DTL: variants seen among roughly 807,000 people sequenced by gnomAD.
The protein encoded by DTL is denticleless E3 ubiquitin protein ligase adapter.
Under a neutral mutation model 87.0 loss-of-function variants are expected in DTL, and 46 were observed. That is an observed-to-expected ratio of 0.53 (90% CI 0.42 to 0.68). The LOEUF is 0.68. Among genes scored for constraint, DTL ranks in the 30% least tolerant of loss-of-function variants. The pLI is 0.00. For synonymous variants in DTL, 308 were observed against 311.2 expected (o/e 0.99, Z 0.11); for missense variants, 737 against 869.4 (o/e 0.85, Z 1.91).
intron 13 of DTL, among the ~76,000 whole-genome samples, chr1:212,081,935 T>G (rs1047548578): frequency 6.6e-6 from 1 of 152,198 alleles, no homozygotes; most frequent in South Asian, 2.1e-4. Flanking sequence ...ATTCTGCAGT[T>G]CAGGGTTGAA....
At chr1:212,075,903 T>G (rs1022492481) in intron 11 of DTL, among the ~76,000 whole-genome samples, 2 of 152,200 alleles carry the variant, frequency 1.3e-5, no homozygotes, top group African/African-American at 4.8e-5. Flanking sequence ...CAACACCTGC[T>G]AAACTACATT....
chr1:212,043,200 C>G lies in DTL; in HGVS notation c.178+82C>G, dbSNP rs147297678. On this transcript the variant is annotated intron_variant, in intron 2 of 14. Coordinates refer to ENST00000366991, the MANE Select transcript of DTL (RefSeq NM_016448.4). ...TAGGGAAAATATACTAGAGTATTTC[C>G]CTTTCAAAGAAAAGTAAATTAGGTG... is the stretch of plus-strand genomic sequence containing the variant. 1,473 of 1,364,226 alleles carry G rather than the reference C, an allele frequency of 1.1e-3. 14 individuals carry two copies. In the African/African-American group the frequency reaches 0.019, roughly 18 times the overall value. The allele number at this position is 1,364,226 out of a possible 1,614,324, so 84.5% of individuals were successfully genotyped here. A position where few individuals can be genotyped will look rare whatever the true frequency, so the allele number is the denominator to read the frequency against.
intron 13 of DTL, among the ~76,000 whole-genome samples, chr1:212,088,000 A>G (rs955066493): frequency 6.6e-6 from 1 of 152,174 alleles, no homozygotes; most frequent in South Asian, 2.1e-4. Context: ...TGTTTTAGCC[A>G]GAGATCTCAT....
At chr1:212,099,361 G>C (rs1397545397) in intron 13 of DTL, among the ~76,000 whole-genome samples, 2 of 152,204 alleles carry the variant, frequency 1.3e-5, no homozygotes, top group Non-Finnish European at 2.9e-5. Context: ...AGCCTCCTGA[G>C]TAGCTGGGAC....
intron 13 of DTL, among the ~76,000 whole-genome samples, chr1:212,096,066 A>T (rs559084116): frequency 2.4e-4 from 35 of 143,114 alleles, no homozygotes; most frequent in African/African-American, 9.1e-4. Flanking sequence ...TGGTCTGTTC[A>T]GAGTTCTTAT....
chr1:212,035,808 G>A lies in DTL; in HGVS notation c.-83G>A. On this transcript the variant is annotated 5_prime_UTR_variant, in exon 1 of 15. Transcript: ENST00000366991. Reference sequence around the variant, plus strand: ...TGGAGGCGATAACGATTTGTGTTGTGAGAGGCGCAAGCTGCGATTTCTGCT... The same window carrying A: ...TGGAGGCGATAACGATTTGTGTTGTAAGAGGCGCAAGCTGCGATTTCTGCT... 1 of 1,375,550 alleles carries A rather than the reference G, an allele frequency of 7.3e-7. No homozygotes were observed. The highest frequency in any genetic ancestry group is 1.0e-6 in the Non-Finnish European group (1 of 973,684). The allele number at this position is 1,375,550 out of a possible 1,614,324, so 85.2% of individuals were successfully genotyped here.
At chr1:212,098,446 C>T (rs950961889) in intron 13 of DTL, among the ~76,000 whole-genome samples, 2 of 152,066 alleles carry the variant, frequency 1.3e-5, no homozygotes, top group South Asian at 2.1e-4. Flanking sequence ...GATAGGTTTT[C>T]GGGCTTCTCA....
At chr1:212,043,423 C>A (rs145841180) in intron 2 of DTL, among the ~76,000 whole-genome samples, 2 of 152,046 alleles carry the variant, frequency 1.3e-5, no homozygotes, top group Non-Finnish European at 2.9e-5. Flanking sequence ...AGATACATAC[C>A]CTTTGATCTG....
At chr1:212,038,383 C>T (rs1377709311) in intron 1 of DTL, among the ~76,000 whole-genome samples, 2 of 152,210 alleles carry the variant, frequency 1.3e-5, no homozygotes, top group Admixed American at 1.3e-4. Context: ...ATCTCAAACT[C>T]AAATACCCAA....
intron 6 of DTL, among the ~76,000 whole-genome samples, chr1:212,063,539 C>T (rs1654399904): frequency 6.6e-6 from 1 of 152,096 alleles, no homozygotes; most frequent in African/African-American, 2.4e-5. Context: ...GATCTGCCCA[C>T]CCTGGCCTCC....
At chr1:212,062,486 C>T (rs1654357462) in intron 5 of DTL, among the ~76,000 whole-genome samples, 1 of 152,192 alleles carries the variant, frequency 6.6e-6, no homozygotes, top group Admixed American at 6.5e-5. Context: ...CTTATCCTCT[C>T]TGTGCCTCTC....
At chr1:212,036,521 C>G (rs766627788) in intron 1 of DTL, among the ~76,000 whole-genome samples, 1 of 152,150 alleles carries the variant, frequency 6.6e-6, no homozygotes, top group South Asian at 2.1e-4. Context: ...CCAGAGATGA[C>G]CCCTGTTAAT....
intron 3 of DTL, among the ~76,000 whole-genome samples, chr1:212,046,754 C>A (rs1667819699): frequency 6.6e-6 from 1 of 152,176 alleles, no homozygotes; most frequent in African/African-American, 2.4e-5. Context: ...TGAACATATG[C>A]ATGCATGTAT....
intron 5 of DTL, among the ~76,000 whole-genome samples, chr1:212,056,645 T>C (rs1359284271): frequency 6.6e-6 from 1 of 151,388 alleles, no homozygotes; most frequent in Non-Finnish European, 1.5e-5. Flanking sequence ...CAAATCCCAA[T>C]CAAAAAGGAA....
chr1:212,043,777 C>T (rs1378428718), intron 2 of DTL, among the ~76,000 whole-genome samples: 1 of 150,222 alleles, frequency 6.7e-6, no homozygotes, highest in Non-Finnish European at 1.5e-5. Flanking sequence ...TTGCAGTGAG[C>T]CAAGATCGTG....
In DTL at chr1:212,068,206, A is replaced by C. The variant is rs1055740278; in HGVS notation, c.714-18A>C. ...TTGGAAGAAGGTCTACAAAATATTT[A>C]TTTGCCTTGGTTTTTAGGATAATCA... On this transcript the variant is annotated intron_variant, in intron 8 of 14. Transcript: ENST00000366991. 12 of 1,548,906 alleles carry C rather than the reference A, an allele frequency of 7.7e-6. No individual in the cohort carries two copies. In the African/African-American group the frequency reaches 1.7e-4, roughly 21 times the overall value.
intron 13 of DTL, among the ~76,000 whole-genome samples, chr1:212,091,247 A>G (rs924355610): frequency 3.3e-5 from 5 of 152,238 alleles, no homozygotes; most frequent in Admixed American, 3.3e-4. Context: ...CAAAACCACA[A>G]TGAGATATCC....
At chr1:212,042,926 T>C in intron 1 of DTL, 67 bp from the exon 2 acceptor site, 2 of 1,460,562 alleles carry the variant, frequency 1.4e-6, no homozygotes, top group Non-Finnish European at 1.8e-6. Context: ...TATTTACCTC[T>C]GAATTTGTTA....
chr1:212,071,498 A>T (rs949009237), intron 10 of DTL, among the ~76,000 whole-genome samples: 4 of 152,140 alleles, frequency 2.6e-5, no homozygotes, highest in Non-Finnish European at 5.9e-5. Context: ...TCCACCATTC[A>T]GTCTACTCAA....
Sources: gnomAD v4.1 joint callset for allele counts (sites outside exome capture counted in the v4.1 genomes callset) on GRCh38, gnomAD v4.1.1 for gene constraint, MANE v1.5 for transcripts, NCBI Gene and HGNC (gene_info 2026-07-23, HGNC 2026-07-21) for gene names.